HSF2BP: variants seen among roughly 807,000 people sequenced by gnomAD.
The protein encoded by HSF2BP is heat shock transcription factor 2 binding protein.
A neutral mutation model predicts 35.0 loss-of-function variants in HSF2BP; 35 were observed. That is an observed-to-expected ratio of 1.00 (90% CI 0.76 to 1.32). The LOEUF is 1.32. HSF2BP is among the 40% of genes most tolerant of loss of function. The pLI, the probability that HSF2BP is intolerant of heterozygous loss-of-function variation, is 0.00. For synonymous variants in HSF2BP, 114 were observed against 117.4 expected (o/e 0.97, Z 0.18); for missense variants, 326 against 321.7 (o/e 1.01, Z -0.10).
intron 7 of HSF2BP, among the ~76,000 whole-genome samples, chr21:43,596,440 T>C (rs574026507): frequency 3.3e-5 from 5 of 150,376 alleles, no homozygotes; most frequent in East Asian, 3.9e-4. Flanking sequence ...CAGAAAAAAA[T>C]AGCTGCAGCA....
rs2082000723 is a variant in HSF2BP at position 43,597,438 on chromosome 21, C to T, written c.693-5110G>A. On this transcript the variant is annotated intron_variant, in intron 7 of 8. Transcript: ENST00000291560. This position sits in a 1 kb window ranked among gnomAD's most constrained non-coding sequence, Gnocchi z 4.3. ...GTAAATTTAAGGGAGTATCAAAATG[C>T]CCAGTGGCCCATATTTTTAAAAATG... Among the ~76,000 whole-genome samples, 1 of 152,118 alleles carries T rather than the reference C, an allele frequency of 6.6e-6. No individual in the cohort carries two copies. The highest frequency in any genetic ancestry group is 1.9e-4 in the East Asian group (1 of 5,200).
chr21:43,642,124 C>T (rs1323879986), intron 4 of HSF2BP, among the ~76,000 whole-genome samples: 1 of 150,358 alleles, frequency 6.7e-6, no homozygotes, highest in Non-Finnish European at 1.5e-5. Flanking sequence ...TAGTGAGACC[C>T]CATCTCTATA....
Position 43,633,397 on chromosome 21 carries a change from A to G in HSF2BP, c.316T>C (p.Leu106=), listed in dbSNP as rs762917351. Residue 106 remains leucine, a synonymous_variant, in exon 5 of 9, where the codon TTG becomes CTG. Coordinates refer to ENST00000291560, the MANE Select transcript of HSF2BP (RefSeq NM_007031.2). The part of the protein sequence containing the change: ...KKEKLALRQQ[L]NEAKQQLLQQ... ...AGGAGTTGCTGCTTCGCTTCATTCA[A>G]CTGCTGTCGAAGAGCCAGTTTCTCC... The G allele has an allele frequency of 1.2e-6, 2 of 1,611,266 alleles. No individual in the cohort carries two copies. The highest frequency in any genetic ancestry group is 2.7e-5 in the African/African-American group (2 of 74,812).
At chr21:43,615,832 G>C (rs2082262534) in intron 6 of HSF2BP, among the ~76,000 whole-genome samples, 1 of 152,050 alleles carries the variant, frequency 6.6e-6, no homozygotes, top group African/African-American at 2.4e-5. Flanking sequence ...TAGCTTTTCA[G>C]GGGAAAGCAT....
chr21:43,606,085 A>G (rs2082131848), intron 7 of HSF2BP, among the ~76,000 whole-genome samples: 1 of 152,196 alleles, frequency 6.6e-6, no homozygotes. Flanking sequence ...GGAAGAGCAG[A>G]GCAGGAAGTA....
At chr21:43,580,650 A>G (rs2081714305) in intron 8 of HSF2BP, among the ~76,000 whole-genome samples, 1 of 152,262 alleles carries the variant, frequency 6.6e-6, no homozygotes, top group African/African-American at 2.4e-5. Flanking sequence ...TCACGTTATT[A>G]GCCCCGTGTT....
chr21:43,629,949 G>A (rs1283883980), intron 6 of HSF2BP, among the ~76,000 whole-genome samples: 2 of 152,158 alleles, frequency 1.3e-5, no homozygotes, highest in African/African-American at 2.4e-5. Flanking sequence ...ATTAATCAAT[G>A]TGGCAAACTT....
chr21:43,640,926 G>A (rs777043364), intron 4 of HSF2BP, among the ~76,000 whole-genome samples: 7 of 152,054 alleles, frequency 4.6e-5, no homozygotes, highest in Admixed American at 2.0e-4. Flanking sequence ...ATCAAACCCT[G>A]ATATATTTTC....
intron 6 of HSF2BP, among the ~76,000 whole-genome samples, chr21:43,623,374 TAAAC>T (rs2082353014): frequency 6.6e-6 from 1 of 151,790 alleles, no homozygotes; most frequent in African/African-American, 2.4e-5. Flanking sequence ...TGACTCCAAA[TAAAC>T]AATCTAATGA....
At chr21:43,627,996 CA>C (rs1182937608) in intron 6 of HSF2BP, among the ~76,000 whole-genome samples, 1 of 152,132 alleles carries the variant, frequency 6.6e-6, no homozygotes, top group Non-Finnish European at 1.5e-5. Context: ...TGTAAGACAG[CA>C]AATTTAATCA....
At chr21:43,620,265 C>CT (rs2082316882) in intron 6 of HSF2BP, among the ~76,000 whole-genome samples, 1 of 152,202 alleles carries the variant, frequency 6.6e-6, no homozygotes, top group Non-Finnish European at 1.5e-5. Flanking sequence ...GTGACTGTCT[C>CT]TAACAAGATG....
In HSF2BP at chr21:43,652,440, A is replaced by G. The variant is rs145771443; in HGVS notation, c.187+4147T>C. 4.5e-3 allele frequency among the ~76,000 whole-genome samples: 681 copies of G among 150,900 alleles called. 2 individuals are homozygous for G. Among genetic ancestry groups the G allele is most frequent in the Non-Finnish European group, 7.7e-3 (521 of 67,834 alleles). On this transcript the variant is annotated intron_variant, in intron 3 of 8. Transcript: ENST00000291560. ...AAAAAACAACTGGAAGTGCACATTA[A>G]CCTCTAGAAGCAAAAGGAGTGGATA... is the stretch of plus-strand genomic sequence containing the variant.
chr21:43,657,939 T>C, intron 2 of HSF2BP, 122 bp downstream of exon 2: 3 of 1,499,562 alleles, frequency 2.0e-6, no homozygotes, highest in South Asian at 2.5e-5. Context: ...GGGGAGGAAG[T>C]CTCCAGGCTT....
At chr21:43,600,440 T>G (rs532165208) in intron 7 of HSF2BP, among the ~76,000 whole-genome samples, 1 of 152,248 alleles carries the variant, frequency 6.6e-6, no homozygotes, top group Admixed American at 6.5e-5. Flanking sequence ...TACTGTACAA[T>G]AAGTAATAAA....
chr21:43,655,177 G>A (rs995665822), intron 3 of HSF2BP, among the ~76,000 whole-genome samples: 3 of 152,190 alleles, frequency 2.0e-5, no homozygotes, highest in African/African-American at 7.2e-5. Context: ...CCAACCAGCA[G>A]GCTGCCATAC....
rs2082905921 is a variant in HSF2BP, at chr21:43,658,126, G to A, written c.-30C>T. Reference sequence around the variant, plus strand: ...GCTGCCGCCTCCGCTCCGTTCGCCTGAGCGTCGGCGCGCCCTCTGACCCCT... The same window carrying A: ...GCTGCCGCCTCCGCTCCGTTCGCCTAAGCGTCGGCGCGCCCTCTGACCCCT... On this transcript the variant is annotated 5_prime_UTR_variant, in exon 2 of 9. Transcript: ENST00000291560. 1.3e-6 allele frequency: 2 copies of A among 1,514,902 alleles called. No individual in the cohort carries two copies. Among genetic ancestry groups the A allele is most frequent in the Non-Finnish European group, 1.8e-6 (2 of 1,135,168 alleles). 93.8% of individuals were successfully genotyped at this position (1,514,902 alleles called of 1,614,324 possible).
At chr21:43,598,196 T>C (rs1436614676) in intron 7 of HSF2BP, among the ~76,000 whole-genome samples, 1 of 152,020 alleles carries the variant, frequency 6.6e-6, no homozygotes, top group Non-Finnish European at 1.5e-5. Flanking sequence ...TTTTGTTTTT[T>C]TGTTTTTTTG....
At chr21:43,607,125 CA>C (rs2082144597) in intron 7 of HSF2BP, among the ~76,000 whole-genome samples, 1 of 152,004 alleles carries the variant, frequency 6.6e-6, no homozygotes, top group Admixed American at 6.5e-5. Context: ...CCTGTCTCTA[CA>C]AAAAACTACA....
In HSF2BP at chr21:43,656,713, C is replaced by A. The variant is rs373666160; in HGVS notation, c.61G>T (p.Val21Phe). 8 of 1,613,506 alleles carry A rather than the reference C, an allele frequency of 5.0e-6. No individual in the cohort carries two copies. The highest frequency in any genetic ancestry group is 6.8e-6 in the Non-Finnish European group (8 of 1,179,860). ...TCCAGATCCTTCTTTCTGACTTTAACAAATTCCTCTTTAGTTCCCATGTGC... is the reference window on the plus strand; with the variant it reads ...TCCAGATCCTTCTTTCTGACTTTAAAAAATTCCTCTTTAGTTCCCATGTGC... ...CRHMGTKEEFVKVRKKDLERL... is the reference protein window; with the variant it reads ...CRHMGTKEEFFKVRKKDLERL... The change falls in exon 3 of 9, where the codon GTT (valine) becomes TTT (phenylalanine). Residue 21 changes from valine (V) to phenylalanine (F), a missense_variant. Val to Phe is a conservative substitution (Grantham distance 50). Transcript: ENST00000291560.
Sources: allele counts gnomAD v4.1 joint callset (sites outside exome capture counted in the v4.1 genomes callset), GRCh38; gene constraint gnomAD v4.1.1; non-coding constraint Gnocchi (gnomAD v3.1); transcripts MANE v1.5; gene names NCBI Gene and HGNC (gene_info 2026-07-23, HGNC 2026-07-21).